The following DIDO1 variants were observed in gnomAD, a reference collection of about 807,000 sequenced individuals.
DIDO1 encodes death-inducer obliterator 1.
DIDO1 carries 16 observed loss-of-function variants against 99.4 expected under a neutral mutation model. The observed-to-expected ratio is 0.16, with a 90% CI of 0.11 to 0.24. The LOEUF is 0.24. Among genes scored for constraint, DIDO1 ranks in the 10% least tolerant of loss-of-function variants. The pLI, the probability that DIDO1 is intolerant of heterozygous loss-of-function variation, is 1.00. For synonymous variants in DIDO1, 1,366 were observed against 1,239.1 expected, an observed-to-expected ratio of 1.10 and a Z score of -2.15; for missense variants, 2,996 against 3,014.0, an observed-to-expected ratio of 0.99 and a Z score of 0.14.
chr20:62,901,795 T>C (rs2064687945), intron 6 of DIDO1, among the ~76,000 whole-genome samples: 1 of 149,700 alleles, frequency 6.7e-6, no homozygotes, highest in African/African-American at 2.5e-5. Context: ...AATATAACTA[T>C]GTGTATGTTG....
At chr20:62,921,847 A>G (rs1002574131) in intron 1 of DIDO1, among the ~76,000 whole-genome samples, 11 of 150,854 alleles carry the variant, frequency 7.3e-5, no homozygotes, top group Admixed American at 7.3e-4. Context: ...ATATATATCC[A>G]CTACATATAC....
intron 5 of DIDO1, among the ~76,000 whole-genome samples, chr20:62,906,679 G>C (rs999044133): frequency 2.0e-5 from 3 of 148,460 alleles, no homozygotes; most frequent in African/African-American, 5.1e-5. Flanking sequence ...TCAAGTCTAA[G>C]ACAAGAGTTT....
At position 62,896,911 on chromosome 20, in the gene DIDO1, G is replaced by A; in HGVS notation, c.1674C>T (p.Gly558=). The A allele has an allele frequency of 6.2e-7, 1 of 1,614,030 alleles. No homozygotes were observed. The highest frequency in any genetic ancestry group is 8.5e-7 in the Non-Finnish European group (1 of 1,179,950). ...CGAGGTTTCTAGGTGCAGGCTGCTTGCCCACCGCGGAGCCTGGAGGGGCTG... is the reference window on the plus strand; with the variant it reads ...CGAGGTTTCTAGGTGCAGGCTGCTTACCCACCGCGGAGCCTGGAGGGGCTG... ...KKTAPPGSAV[G]KQPAPRNLVP... Residue 558 remains glycine, a synonymous_variant, in exon 7 of 16, where the codon GGC becomes GGT. Coordinates refer to ENST00000395343, the MANE Select transcript of DIDO1 (RefSeq NM_001193369.2). This position sits in a 1 kb window ranked among gnomAD's most constrained non-coding sequence, Gnocchi z 4.4.
rs769568448 is a variant in DIDO1 at position 62,910,943 on chromosome 20, CCT to C, written c.668_669del (p.Gln223ArgfsTer10). On this transcript the variant is annotated frameshift_variant, in exon 3 of 16. Transcript: ENST00000395343. LOFTEE classifies it high-confidence loss of function. ...LPSKQEPEND[Q>X]GVVSQAGKDD... ...TCTTTCCCAGCCTGGGACACAACCCCCTGATCGTTCTCGGGCTCCTGCTTACT... is the reference window on the plus strand; with the variant it reads ...TCTTTCCCAGCCTGGGACACAACCCCGATCGTTCTCGGGCTCCTGCTTACT... 1.9e-6 allele frequency: 3 copies of C among 1,614,188 alleles called. No individual in the cohort carries two copies. The highest frequency in any genetic ancestry group is 1.1e-5 in the South Asian group (1 of 91,082).
chr20:62,882,552 T>G (rs904178937), intron 15 of DIDO1, 138 bp from the exon 16 acceptor site: 17 of 890,698 alleles, frequency 1.9e-5, no homozygotes, highest in Non-Finnish European at 2.8e-5. Flanking sequence ...TAAGATCAAG[T>G]GTCAAGACAG....
intron 4 of DIDO1, 35 bp from the exon 5 acceptor site, chr20:62,907,394 C>G: frequency 1.9e-6 from 3 of 1,600,134 alleles, no homozygotes; most frequent in Non-Finnish European, 1.7e-6. Context: ...AAACAATGTA[C>G]TTGCCAATTT....
rs773773031 is a variant in DIDO1 at position 62,880,144 on chromosome 20, G to C, written c.5812C>G (p.Arg1938Gly). ...TCAAACTGGTTGGGATGAGGGCCCC[G>C]GGCAGTTTCAAACTGACTAGGATGG... ...GPHPSQFETA[R>G]GPHPNQFEGP... is the part of the protein sequence containing the mutation. The change falls in exon 16 of 16, where the codon CGG becomes GGG. Residue 1938 changes from arginine to glycine, a missense_variant. This residue lies in a region of DIDO1 where 1,562 missense variants were observed against 1,412.6 expected (regional missense o/e 1.11). Transcript: ENST00000395343. 1.8e-5 allele frequency: 29 copies of C among 1,612,436 alleles called. No homozygotes were observed. The highest frequency in any genetic ancestry group is 2.3e-5 in the Non-Finnish European group (27 of 1,179,968).
At chr20:62,889,685 C>G (rs1373313549) in intron 15 of DIDO1, 2 of 985,280 alleles carry the variant, frequency 2.0e-6, no homozygotes, top group East Asian at 2.3e-4. Context: ...GGCCAGAGCT[C>G]TTCACAAGCA....
chr20:62,923,346 T>C (rs2065192186), intron 1 of DIDO1, among the ~76,000 whole-genome samples: 1 of 152,066 alleles, frequency 6.6e-6, no homozygotes, highest in African/African-American at 2.4e-5. Context: ...CAGCTAATTT[T>C]TGTATTTTTA....
rs763909023 is a variant in DIDO1 at position 62,911,608 on chromosome 20, T to C, written c.5A>G (p.Asp2Gly). M[D>G]DKGDPSNEEA... ...CTCATTGCTCGGGTCGCCTTTGTCG[T>C]CCATACCTAGCGGTAAAGTGTAAGC... The change falls in exon 3 of 16, where the codon GAC (aspartate) becomes GGC (glycine). Residue 2 changes from aspartate to glycine, a missense_variant. Coordinates refer to ENST00000395343, the MANE Select transcript of DIDO1 (RefSeq NM_001193369.2). This position sits in a 1 kb window ranked among gnomAD's most constrained non-coding sequence, Gnocchi z 7.0. 38 of 1,569,614 alleles carry C rather than the reference T, an allele frequency of 2.4e-5. No individual in the cohort carries two copies. Among genetic ancestry groups the C allele is most frequent in the Non-Finnish European group, 2.7e-5 (31 of 1,155,876 alleles).
chr20:62,881,321 G>A lies in DIDO1; in HGVS notation c.4635C>T (p.Pro1545=), dbSNP rs776857750. The change falls in exon 16 of 16, where the codon CCC becomes CCT. Residue 1545 remains proline (P), a synonymous_variant. Transcript: ENST00000395343. The surrounding 1 kb of genome is among the most constrained non-coding windows in gnomAD (Gnocchi z 8.3). The part of the protein sequence containing the change: ...FQQEQQSADK[P]ASLPPASQAS... ...CCTGGCTGGCGGGGGGCAGTGAGGCGGGCTTGTCTGCAGACTGCTGCTCTT... is the reference window on the plus strand; with the variant it reads ...CCTGGCTGGCGGGGGGCAGTGAGGCAGGCTTGTCTGCAGACTGCTGCTCTT... The A allele has an allele frequency of 4.4e-6, 7 of 1,604,500 alleles. No individual in the cohort carries two copies. The highest frequency in any genetic ancestry group is 2.2e-5 in the South Asian group (2 of 91,062).
chr20:62,929,695 G>GTATATATATATATATATATA (rs71195479), upstream of DIDO1, among the ~76,000 whole-genome samples: 11 of 97,956 alleles, frequency 1.1e-4, no homozygotes, highest in African/African-American at 3.7e-4. Context: ...AAGAAAAAGT[G>GTATATATATATATATATATA]TATATATATA....
rs760179504 is a variant in DIDO1 at position 62,879,409 on chromosome 20, G to T, written c.6547C>A (p.Arg2183=). ...CGGTCCCGGTCGCGCCTCCGGTCTCGCTCGCGCTCTCGGTTCCTGCTCCGC... is the reference window on the plus strand; with the variant it reads ...CGGTCCCGGTCGCGCCTCCGGTCTCTCTCGCGCTCTCGGTTCCTGCTCCGC... ...RERSRNRERE[R]DRRRDRDRSR... Residue 2183 remains arginine, a synonymous_variant, in exon 16 of 16, where the codon CGA becomes AGA. Coordinates refer to ENST00000395343, the MANE Select transcript of DIDO1 (RefSeq NM_001193369.2). The surrounding 1 kb of genome is among the most constrained non-coding windows in gnomAD (Gnocchi z 6.3). 1.3e-6 allele frequency: 2 copies of T among 1,543,532 alleles called. No individual in the cohort carries two copies. The highest frequency in any genetic ancestry group is 1.7e-6 in the Non-Finnish European group (2 of 1,148,342).
At position 62,911,684 on chromosome 20, in the gene DIDO1, C is replaced by G. The variant is rs527849186; in HGVS notation, c.-2-70G>C. 2 of 1,404,406 alleles carry G rather than the reference C, an allele frequency of 1.4e-6. No homozygotes were observed. Among genetic ancestry groups the G allele is most frequent in the African/African-American group, 2.9e-5 (2 of 69,556 alleles). The allele number at this position is 1,404,406 out of a possible 1,614,324, so 87.0% of individuals were successfully genotyped here. On this transcript the variant is annotated intron_variant, in intron 2 of 15. Transcript: ENST00000395343. This position sits in a 1 kb window ranked among gnomAD's most constrained non-coding sequence, Gnocchi z 7.0. ...CAAAAGGTGACATTGCCGCCAAACA[C>G]GCGCAGCAGGGGCCACCTCCCTACA...
At position 62,879,978 on chromosome 20, in the gene DIDO1, C is replaced by G. The variant is rs1284197368; in HGVS notation, c.5978G>C (p.Arg1993Pro). 14 of 1,611,470 alleles carry G rather than the reference C, an allele frequency of 8.7e-6. No homozygotes were observed. The highest frequency in any genetic ancestry group is 1.1e-5 in the Non-Finnish European group (13 of 1,179,722). Residue 1993 changes from arginine (R) to proline (P), a missense_variant, in exon 16 of 16, where the codon CGG (arginine) becomes CCG (proline). Physicochemically the swap from Arg to Pro is moderately radical, Grantham distance 103 (BLOSUM62 -2). Around this residue, in one of 5 missense-constraint regions of DIDO1, gnomAD observed 1,562 missense variants for 1,412.6 expected, o/e 1.11. Coordinates refer to ENST00000395343, the MANE Select transcript of DIDO1 (RefSeq NM_001193369.2). The surrounding 1 kb of genome is among the most constrained non-coding windows in gnomAD (Gnocchi z 6.3). Reference protein sequence around the residue: ...APAPLQFGGLRGSAPFSEKNE... With the variant: ...APAPLQFGGLPGSAPFSEKNE... ...TTTTTCAGAAAAGGGTGCGGACCCC[C>G]GTAGTCCACCAAACTGCAGGGGTGC...
intron 6 of DIDO1, among the ~76,000 whole-genome samples, chr20:62,900,567 G>C (rs981638622): frequency 1.3e-5 from 2 of 152,180 alleles, no homozygotes; most frequent in East Asian, 3.8e-4. Flanking sequence ...TTAAAATATG[G>C]GGCAAGAGAC....
rs201493141 is a variant in DIDO1 at position 62,881,672 on chromosome 20, G to A, written c.4284C>T (p.Pro1428=). The A allele has an allele frequency of 7.7e-5, 124 of 1,612,598 alleles. No individual in the cohort carries two copies. The Admixed American group carries it at 8.5e-4, about 11-fold the overall frequency. Residue 1428 remains proline, a synonymous_variant, in exon 16 of 16, where the codon CCC becomes CCT. Coordinates refer to ENST00000395343, the MANE Select transcript of DIDO1 (RefSeq NM_001193369.2). The surrounding 1 kb of genome is among the most constrained non-coding windows in gnomAD (Gnocchi z 8.3). The part of the protein sequence containing the change: ...AAEREEVAYD[P]EDETILEEAK... ...CTTCTTCTAAGATGGTCTCATCCTC[G>A]GGGTCATAGGCCACCTCTTCCCGCT...
Position 62,882,164 on chromosome 20 carries a change from C to T in DIDO1, c.3792G>A (p.Pro1264=), listed in dbSNP as rs749136843. 10 of 1,612,828 alleles carry T rather than the reference C, an allele frequency of 6.2e-6. No individual in the cohort carries two copies. Among genetic ancestry groups the T allele is most frequent in the Non-Finnish European group, 1.7e-6 (2 of 1,180,002 alleles). ...GCACCGGTGGTTCTGGAAGAGGGGGCGGAGGCGGCGGCGACCCAGGAGGTG... is the reference window on the plus strand; with the variant it reads ...GCACCGGTGGTTCTGGAAGAGGGGGTGGAGGCGGCGGCGACCCAGGAGGTG... The part of the protein sequence containing the change: ...STTPPGSPPP[P]PPLPEPPVLK... The change falls in exon 16 of 16, where the codon CCG becomes CCA. Residue 1264 remains proline, a synonymous_variant. Coordinates refer to ENST00000395343, the MANE Select transcript of DIDO1 (RefSeq NM_001193369.2).
At chr20:62,889,668 T>G in intron 15 of DIDO1, 14 of 985,440 alleles carry the variant, frequency 1.4e-5, no homozygotes, top group Non-Finnish European at 1.7e-5. Context: ...CCTGGTCACG[T>G]GGAGCTGGCC....
Sources: allele counts gnomAD v4.1 joint callset (sites outside exome capture counted in the v4.1 genomes callset), GRCh38; gene constraint gnomAD v4.1.1; regional missense constraint gnomAD v4.1.1; non-coding constraint Gnocchi (gnomAD v3.1); transcripts MANE v1.5; gene names NCBI Gene and HGNC (gene_info 2026-07-23, HGNC 2026-07-21).